GDA: variants seen among roughly 807,000 people sequenced by gnomAD.
GDA encodes guanine deaminase.
GDA carries 18 observed loss-of-function variants against 59.6 expected under a neutral mutation model. The observed-to-expected ratio is 0.30, with a 90% CI of 0.21 to 0.45. The LOEUF (loss-of-function observed/expected upper bound fraction) is 0.45. Ranked by LOEUF, GDA falls within the 20% of genes least tolerant of loss-of-function variation. The pLI is 1.00. For missense variants in GDA, 427 were observed against 552.3 expected, an observed-to-expected ratio of 0.77 and a Z score of 2.27; for synonymous variants, 201 against 201.1, an observed-to-expected ratio of 1.00 and a Z score of 0.00.
chr9:72,185,167 A>G (rs2131132897), intron 1 of GDA, among the ~76,000 whole-genome samples: 1 of 152,374 alleles, frequency 6.6e-6, no homozygotes, highest in South Asian at 2.1e-4. Context: ...TAGACACAAT[A>G]TGGCCCGCAA....
intron 10 of GDA, among the ~76,000 whole-genome samples, chr9:72,238,576 A>G (rs566108012): frequency 3.9e-5 from 6 of 152,262 alleles, no homozygotes; most frequent in Non-Finnish European, 7.3e-5. Flanking sequence ...ATGAATGCAT[A>G]GGAAATGAGC....
chr9:72,138,835 A>C (rs1335275373), intron 1 of GDA, among the ~76,000 whole-genome samples: 1 of 152,254 alleles, frequency 6.6e-6, no homozygotes, highest in Admixed American at 6.5e-5. Flanking sequence ...TAAATGAATG[A>C]GAAAGTAAGA....
chr9:72,248,109 A>G (rs1025626129), intron 13 of GDA, among the ~76,000 whole-genome samples, 163 bp from the exon 14 acceptor site: 7 of 152,114 alleles, frequency 4.6e-5, no homozygotes, highest in Admixed American at 3.9e-4. Flanking sequence ...TCTACTAGTC[A>G]TATCTTCCTG....
At chr9:72,244,927 G>C (rs559651298) in intron 11 of GDA, among the ~76,000 whole-genome samples, 1 of 152,278 alleles carries the variant, frequency 6.6e-6, no homozygotes, top group South Asian at 2.1e-4. Flanking sequence ...GAAGGGAATT[G>C]TTTTCATTCT....
intron 1 of GDA, among the ~76,000 whole-genome samples, chr9:72,168,390 C>CTTTTTTTTTTTTTTTTTTTTTT (rs77778231): frequency 9.4e-6 from 1 of 105,882 alleles, no homozygotes; most frequent in Non-Finnish European, 1.8e-5. Flanking sequence ...GAGACTTTGT[C>CTTTTTTTTTTTTTTTTTTTTTT]TTTTTTTTTT....
chr9:72,216,279 C>G (rs904966464), intron 5 of GDA, among the ~76,000 whole-genome samples: 2 of 152,212 alleles, frequency 1.3e-5, no homozygotes, highest in African/African-American at 4.8e-5. Context: ...AGAACCCAGG[C>G]TGTTCTGACC....
chr9:72,227,441 G>A (rs1306050804), intron 8 of GDA, among the ~76,000 whole-genome samples: 1 of 151,492 alleles, frequency 6.6e-6, no homozygotes, highest in African/African-American at 2.5e-5. Context: ...TTGAAGCTAG[G>A]AGCAGAAATA....
At chr9:72,145,413 C>T (rs1182048145), upstream of GDA, among the ~76,000 whole-genome samples, 1 of 152,202 alleles carries the variant, frequency 6.6e-6, no homozygotes. Context: ...CCTCCCTGAA[C>T]CCCAGTTTCC....
At chr9:72,256,238 A>G (rs1840879866), downstream of GDA, among the ~76,000 whole-genome samples, 1 of 152,242 alleles carries the variant, frequency 6.6e-6, no homozygotes, top group African/African-American at 2.4e-5. Context: ...ATGGCCTATT[A>G]AGTCATATTT....
rs777800083 is a variant in GDA at position 72,223,187 on chromosome 9, A to C, written c.674A>C (p.Glu225Ala). ...SLSCSETLMG[E>A]LGNIAKTRDL... is the part of the protein sequence containing the mutation. Reference sequence around the variant, plus strand: ...TCCTGCTCTGAGACTTTGATGGGTGAACTGGGCAACATTGCTAAAACCCGT... The same window carrying C: ...TCCTGCTCTGAGACTTTGATGGGTGCACTGGGCAACATTGCTAAAACCCGT... Residue 225 changes from glutamate (E) to alanine (A), a missense_variant, in exon 7 of 14, where the codon GAA (glutamate) becomes GCA (alanine). Glu to Ala is a moderately radical substitution (Grantham distance 107). Transcript: ENST00000358399. 57 of 1,613,090 alleles carry C rather than the reference A, an allele frequency of 3.5e-5. No individual in the cohort carries two copies. The highest frequency in any genetic ancestry group is 1.2e-4 in the Admixed American group (7 of 59,986).
intron 10 of GDA, among the ~76,000 whole-genome samples, chr9:72,231,497 G>A (rs544652507): frequency 3.3e-5 from 5 of 151,914 alleles, no homozygotes; most frequent in African/African-American, 4.8e-5. Context: ...CCCGGGAGGC[G>A]GAGCTTGTAG....
chr9:72,225,579 G>T, intron 7 of GDA, 98 bp from the exon 8 acceptor site: 1 of 650,552 alleles, frequency 1.5e-6, no homozygotes, highest in Non-Finnish European at 2.8e-6. Flanking sequence ...CCCTTAAATA[G>T]GCAAGTAGAA....
chr9:72,198,395 C>T lies in GDA; in HGVS notation c.212+2807C>T, dbSNP rs190939222. On this transcript the variant is annotated intron_variant, in intron 2 of 13. Transcript: ENST00000358399. ...TCTACTAAAAATACAAAACATTAGC[C>T]GGGCATGGTGGTGGGCCCCTGTAGT... Among the ~76,000 whole-genome samples the T allele has an allele frequency of 2.3e-3, 348 of 152,042 alleles. 3 individuals are homozygous for T. The highest frequency in any genetic ancestry group is 8.1e-3 in the African/African-American group (337 of 41,442).
intron 4 of GDA, 96 bp from the exon 5 acceptor site, chr9:72,213,790 G>A (rs1433015854): frequency 5.0e-5 from 35 of 696,422 alleles, no homozygotes; most frequent in African/African-American, 2.4e-4. Flanking sequence ...GCTAAACAGC[G>A]GGACTCCGTC....
intron 1 of GDA, among the ~76,000 whole-genome samples, chr9:72,132,900 G>A (rs745317964): frequency 1.3e-5 from 2 of 152,122 alleles, no homozygotes; most frequent in Admixed American, 6.6e-5. Context: ...TTACCGCCAA[G>A]GACAAAGTGA....
intron 10 of GDA, among the ~76,000 whole-genome samples, chr9:72,237,026 T>A (rs1268035868): frequency 6.6e-6 from 1 of 152,130 alleles, no homozygotes; most frequent in East Asian, 1.9e-4. Flanking sequence ...GTAATCCACC[T>A]GCCTTGGCCT....
chr9:72,248,435 C>T lies in GDA; in HGVS notation c.*93C>T. 1 of 1,583,452 alleles carries T rather than the reference C, an allele frequency of 6.3e-7. No homozygotes were observed. Among genetic ancestry groups the T allele is most frequent in the Non-Finnish European group, 8.6e-7 (1 of 1,165,510 alleles). The stretch of plus-strand genomic sequence containing the variant: ...GAGTTAGAAAGTCAAAAAATAGTAC[C>T]TTGTTCTTGGGATGACTATCCCTTT... On this transcript the variant is annotated 3_prime_UTR_variant, in exon 14 of 14. Transcript: ENST00000358399.
rs1840536883 is a variant in GDA, at chr9:72,250,063, G to A, written c.*1721G>A. On this transcript the variant is annotated 3_prime_UTR_variant, in exon 14 of 14. Coordinates refer to ENST00000358399, the MANE Select transcript of GDA (RefSeq NM_004293.5). ...TAAACCCAATTTCCAGTCTTAGTCTGTATTTCCAATATTTCTAATTCCTGA... is the reference window on the plus strand; with the variant it reads ...TAAACCCAATTTCCAGTCTTAGTCTATATTTCCAATATTTCTAATTCCTGA... The A allele has an allele frequency of 1.0e-6, 1 of 977,598 alleles. No individual in the cohort carries two copies. The highest frequency in any genetic ancestry group is 1.7e-5 in the African/African-American group (1 of 57,208). The allele number at this position is 977,598 out of a possible 1,614,324, so 60.6% of individuals were successfully genotyped here.
intron 1 of GDA, among the ~76,000 whole-genome samples, chr9:72,187,248 A>G (rs1453835798): frequency 6.6e-6 from 1 of 152,220 alleles, no homozygotes; most frequent in Non-Finnish European, 1.5e-5. Context: ...TTGCCATTGT[A>G]ATACTATTAA....
Sources: allele counts gnomAD v4.1 joint callset (sites outside exome capture counted in the v4.1 genomes callset), GRCh38; gene constraint gnomAD v4.1.1; transcripts MANE v1.5; gene names NCBI Gene and HGNC (gene_info 2026-07-23, HGNC 2026-07-21).